The following MALRD1 variants were observed in gnomAD, a reference collection of about 807,000 sequenced individuals.
MALRD1 encodes the protein MAM and LDL-receptor class A domain-containing protein 1.
A neutral mutation model predicts 242.1 loss-of-function variants in MALRD1; 247 were observed. That is an observed-to-expected ratio of 1.02 (90% CI 0.92 to 1.13). The LOEUF is 1.13. Ranked by LOEUF, MALRD1 falls within the 50% of genes most tolerant of loss-of-function variation. MALRD1 has a pLI of 0.00. For synonymous variants in MALRD1, 995 were observed against 866.6 expected (o/e 1.15, Z -2.60); for missense variants, 2,989 against 2,533.1 (o/e 1.18, Z -3.86).
intron 26 of MALRD1, among the ~76,000 whole-genome samples, chr10:19,371,796 G>T (rs1429620970): frequency 1.3e-5 from 2 of 152,100 alleles, no homozygotes. Context: ...TAATTGTTTT[G>T]TATTTTCTAT....
intron 31 of MALRD1, among the ~76,000 whole-genome samples, chr10:19,520,662 A>T (rs1002668954): frequency 6.6e-6 from 1 of 152,108 alleles, no homozygotes; most frequent in African/African-American, 2.4e-5. Context: ...TTCTCTATGA[A>T]ACCATAGTGA....
rs1178212300 is a variant in MALRD1, at chr10:19,373,220, AT to A, written c.4442-14307del. On this transcript the variant is annotated intron_variant, in intron 26 of 39. Transcript: ENST00000454679. ...GCTAAATACAAAAAAAAAAAAAAAA[AT>A]AAGGGGCCGGGCACGGTGGCTCATG... is the stretch of plus-strand genomic sequence containing the variant. Among the ~76,000 whole-genome samples the A allele has an allele frequency of 2.0e-3, 264 of 133,462 alleles. 2 individuals are homozygous for A. Among genetic ancestry groups the A allele is most frequent in the Middle Eastern group, 3.8e-3 (1 of 260 alleles). The allele number at this position is 133,462 out of a possible 152,430, so 87.6% of individuals were successfully genotyped here. A position where few individuals can be genotyped will look rare whatever the true frequency, so the allele number is the denominator to read the frequency against.
chr10:19,365,608 T>G (rs1845072556), intron 26 of MALRD1, among the ~76,000 whole-genome samples: 2 of 151,178 alleles, frequency 1.3e-5, no homozygotes, highest in Admixed American at 6.6e-5. Flanking sequence ...TCGTCCTGTT[T>G]GAGATTCATT....
intron 19 of MALRD1, among the ~76,000 whole-genome samples, chr10:19,274,777 A>G (rs72796448): frequency 0.079 from 12,004 of 152,244 alleles, 610 homozygotes; most frequent in Non-Finnish European, 0.11. Flanking sequence ...AAGGTAGTCA[A>G]TATCGTAGAA....
intron 38 of MALRD1, among the ~76,000 whole-genome samples, chr10:19,703,042 CTTCTT>C (rs767568190): frequency 6.6e-6 from 1 of 152,280 alleles, no homozygotes; most frequent in African/African-American, 2.4e-5. Context: ...TTCTGTGACT[CTTCTT>C]TTAGCTACTT....
At chr10:19,085,379 A>G (rs1421195520) in intron 2 of MALRD1, among the ~76,000 whole-genome samples, 3 of 152,030 alleles carry the variant, frequency 2.0e-5, no homozygotes, top group African/African-American at 4.8e-5. Flanking sequence ...TAAAGGAGCA[A>G]GGTAAAATGA....
At chr10:19,423,819 G>A (rs1477015228) in intron 28 of MALRD1, among the ~76,000 whole-genome samples, 1 of 152,172 alleles carries the variant, frequency 6.6e-6, no homozygotes, top group Non-Finnish European at 1.5e-5. Flanking sequence ...CCAGGATGCA[G>A]CAGGGAGGCT....
At chr10:19,704,727 A>G (rs1283202490) in intron 38 of MALRD1, among the ~76,000 whole-genome samples, 3 of 152,204 alleles carry the variant, frequency 2.0e-5, no homozygotes, top group Non-Finnish European at 4.4e-5. Flanking sequence ...TCATCTGAAT[A>G]TGTTCAGTTA....
chr10:19,462,921 G>T (rs1285399869), intron 29 of MALRD1, among the ~76,000 whole-genome samples: 2 of 152,098 alleles, frequency 1.3e-5, no homozygotes. Context: ...AAGAGGCAAA[G>T]GAAGGACACA....
chr10:19,689,012 A>G (rs1254715692), intron 36 of MALRD1, among the ~76,000 whole-genome samples: 1 of 152,258 alleles, frequency 6.6e-6, no homozygotes, highest in East Asian at 1.9e-4. Flanking sequence ...AAGAGGAAAG[A>G]AAAGCAACAG....
intron 28 of MALRD1, among the ~76,000 whole-genome samples, chr10:19,394,179 A>G (rs1846473080): frequency 1.3e-5 from 2 of 152,176 alleles, no homozygotes; most frequent in African/African-American, 4.8e-5. Context: ...ATGCTGAAAG[A>G]CCACAATTAA....
chr10:19,689,558 C>T lies in MALRD1; in HGVS notation c.6138-2724C>T, dbSNP rs139065883. On this transcript the variant is annotated intron_variant, in intron 36 of 39. Transcript: ENST00000454679. ...TATTGGATACTGGTGAAAAATGAGT[C>T]AATTTTTAAAAGCAAAGAAAGATGT... Among the ~76,000 whole-genome samples, 564 of 152,024 alleles carry T rather than the reference C, an allele frequency of 3.7e-3. 3 individuals carry two copies. Among genetic ancestry groups the T allele is most frequent in the African/African-American group, 0.013 (538 of 41,504 alleles).
chr10:19,236,240 C>T (rs535213781), intron 18 of MALRD1, among the ~76,000 whole-genome samples: 13 of 152,320 alleles, frequency 8.5e-5, no homozygotes, highest in African/African-American at 2.6e-4. Context: ...GCAATCAGTT[C>T]TGCACAGGCT....
At chr10:19,442,503 A>T (rs562810862) in intron 28 of MALRD1, among the ~76,000 whole-genome samples, 1 of 152,146 alleles carries the variant, frequency 6.6e-6, no homozygotes, top group East Asian at 1.9e-4. Context: ...ATCAATACCT[A>T]ATTTATTGAG....
At chr10:19,306,009 C>G (rs1420829762) in intron 21 of MALRD1, among the ~76,000 whole-genome samples, 2 of 115,704 alleles carry the variant, frequency 1.7e-5, no homozygotes, top group East Asian at 4.6e-4. Context: ...ATATATTATA[C>G]TATATATTAT....
At chr10:19,615,479 C>G (rs954256999) in intron 35 of MALRD1, among the ~76,000 whole-genome samples, 5 of 103,104 alleles carry the variant, frequency 4.8e-5, no homozygotes, top group African/African-American at 2.0e-4. Context: ...TTATGCCACT[C>G]TATTCCAAGC....
chr10:19,409,300 A>C (rs966024833), intron 28 of MALRD1, among the ~76,000 whole-genome samples: 6 of 152,186 alleles, frequency 3.9e-5, no homozygotes, highest in African/African-American at 1.4e-4. Context: ...AGAAATAGAT[A>C]ACAGGCTGGG....
intron 5 of MALRD1, among the ~76,000 whole-genome samples, chr10:19,114,194 A>T (rs1228577926): frequency 6.6e-6 from 1 of 152,182 alleles, no homozygotes; most frequent in Non-Finnish European, 1.5e-5. Context: ...AAGTCCTCAA[A>T]CTATATAATG....
In MALRD1 at chr10:19,730,741, A is replaced by G. The variant is rs1179317225; in HGVS notation, c.6350A>G (p.Asn2117Ser). ...GGAAGTGGTAACTGTGCCTTTGTCA[A>G]TCCAGTTTACGGGAACTGGAGCAAC... is the stretch of plus-strand genomic sequence containing the variant. ...TEGSGNCAFV[N>S]PVYGNWSNPE... The change falls in exon 39 of 40, where the codon AAT (asparagine) becomes AGT (serine). Residue 2117 changes from asparagine to serine, a missense_variant. Physicochemically the swap from Asn to Ser is conservative, Grantham distance 46. Coordinates refer to ENST00000454679, the MANE Select transcript of MALRD1 (RefSeq NM_001142308.3). 2.6e-6 allele frequency: 4 copies of G among 1,536,700 alleles called. No individual in the cohort carries two copies. The highest frequency in any genetic ancestry group is 3.5e-6 in the Non-Finnish European group (4 of 1,147,038).
Sources: gnomAD v4.1 joint callset for allele counts (sites outside exome capture counted in the v4.1 genomes callset) on GRCh38, gnomAD v4.1.1 for gene constraint, MANE v1.5 for transcripts, NCBI Gene and HGNC (gene_info 2026-07-23, HGNC 2026-07-21) for gene names.